The following TPD52L1 variants were observed in gnomAD, a reference collection of about 807,000 sequenced individuals.
TPD52L1 encodes the protein tumor protein D53.
A neutral mutation model predicts 28.7 loss-of-function variants in TPD52L1; 18 were observed. The observed-to-expected ratio is 0.63, with a 90% CI of 0.43 to 0.93. TPD52L1 has a LOEUF of 0.93. Ranked by LOEUF, TPD52L1 falls within the 40% of genes least tolerant of loss-of-function variation. The probability of loss-of-function intolerance (pLI) is 0.00; values close to 1 mark genes in which losing one functional copy is unlikely to be tolerated. For missense variants in TPD52L1, 203 were observed against 254.8 expected, an observed-to-expected ratio of 0.80 and a Z score of 1.39; for synonymous variants, 75 against 88.8, an observed-to-expected ratio of 0.84 and a Z score of 0.88.
chr6:125,204,157 G>C (rs1462049635), intron 1 of TPD52L1, among the ~76,000 whole-genome samples: 1 of 152,086 alleles, frequency 6.6e-6, no homozygotes, highest in East Asian at 1.9e-4. Context: ...CTTTTTCACT[G>C]TACTTACTTA....
chr6:125,154,643 T>G lies in TPD52L1; in HGVS notation c.19+673T>G, dbSNP rs988043617. On this transcript the variant is annotated intron_variant, in intron 1 of 6. Coordinates refer to ENST00000534000, the MANE Select transcript of TPD52L1 (RefSeq NM_003287.4). ...GGCTGCCTGCTGGAGGAGCCTGCGG[T>G]GGCTTCAGGAAGGGCGGCCTCATAT... is the stretch of plus-strand genomic sequence containing the variant. The G allele has an allele frequency of 3.0e-5, 17 of 572,124 alleles. No individual in the cohort carries two copies. In the African/African-American group the frequency reaches 3.1e-4, roughly 10 times the overall value. The allele number at this position is 572,124 out of a possible 1,614,324, so 35.4% of individuals were successfully genotyped here. A position where few individuals can be genotyped will look rare whatever the true frequency, so the allele number is the denominator to read the frequency against.
intron 5 of TPD52L1, among the ~76,000 whole-genome samples, chr6:125,256,352 A>T (rs1797599727): frequency 6.6e-6 from 1 of 151,994 alleles, no homozygotes. Context: ...TATCAAAAAA[A>T]AGAAAAAAAA....
intron 1 of TPD52L1, among the ~76,000 whole-genome samples, chr6:125,193,381 G>C (rs934818575): frequency 1.3e-5 from 2 of 152,038 alleles, no homozygotes; most frequent in Non-Finnish European, 2.9e-5. Flanking sequence ...AGGTGTGTCC[G>C]TTGCTGTCAC....
At chr6:125,200,519 A>G (rs1793736529) in intron 1 of TPD52L1, among the ~76,000 whole-genome samples, 1 of 152,194 alleles carries the variant, frequency 6.6e-6, no homozygotes, top group African/African-American at 2.4e-5. Flanking sequence ...GTAAACAGTC[A>G]AGTAATACAG....
At chr6:125,239,634 A>G (rs1275861824) in intron 3 of TPD52L1, among the ~76,000 whole-genome samples, 1 of 152,058 alleles carries the variant, frequency 6.6e-6, no homozygotes, top group African/African-American at 2.4e-5. Context: ...TTGGGTGGGG[A>G]CCCAGGCAAA....
At chr6:125,154,096 C>T in intron 1 of TPD52L1, 126 bp downstream of exon 1, 1 of 1,432,696 alleles carries the variant, frequency 7.0e-7, no homozygotes, top group Non-Finnish European at 9.3e-7. Flanking sequence ...CAGAACTCCA[C>T]TCCCACCCGC....
At chr6:125,229,928 A>T (rs1413756813) in intron 3 of TPD52L1, among the ~76,000 whole-genome samples, 2 of 152,084 alleles carry the variant, frequency 1.3e-5, no homozygotes, top group Admixed American at 6.6e-5. Flanking sequence ...CTACTAAAAA[A>T]TACAAAAAAT....
intron 1 of TPD52L1, among the ~76,000 whole-genome samples, chr6:125,213,685 G>A (rs1794666015): frequency 6.6e-6 from 1 of 152,162 alleles, no homozygotes. Context: ...AGAAGAGTGA[G>A]TTGGAGAATT....
chr6:125,201,134 A>G (rs1221376587), intron 1 of TPD52L1, among the ~76,000 whole-genome samples: 3 of 152,172 alleles, frequency 2.0e-5, no homozygotes, highest in Non-Finnish European at 4.4e-5. Context: ...ACCAAAGAGG[A>G]AGTCAATCTA....
chr6:125,170,708 T>C (rs1014479499), intron 1 of TPD52L1, among the ~76,000 whole-genome samples: 4 of 152,160 alleles, frequency 2.6e-5, no homozygotes, highest in Admixed American at 6.5e-5. Context: ...TCCATGAAAC[T>C]GGCAGGCCAA....
chr6:125,214,200 G>A (rs1313679934), intron 1 of TPD52L1, among the ~76,000 whole-genome samples: 1 of 152,184 alleles, frequency 6.6e-6, no homozygotes, highest in African/African-American at 2.4e-5. Context: ...CATTGGCCAA[G>A]GGCATGGGAA....
intron 1 of TPD52L1, among the ~76,000 whole-genome samples, chr6:125,179,717 T>G (rs533694727): frequency 2.6e-5 from 4 of 152,338 alleles, no homozygotes; most frequent in African/African-American, 9.6e-5. Context: ...TGAACTTTCA[T>G]TTATTTATTT....
chr6:125,219,777 C>CAAGAAGTCTCATG (rs1795107251), intron 1 of TPD52L1: 3 of 395,678 alleles, frequency 7.6e-6, no homozygotes, highest in Non-Finnish European at 1.4e-5. Context: ...CCTCATGAGA[C>CAAGAAGTCTCATG]AGTGAAGAGC....
At chr6:125,208,019 G>A (rs1413602808) in intron 1 of TPD52L1, among the ~76,000 whole-genome samples, 1 of 152,168 alleles carries the variant, frequency 6.6e-6, no homozygotes, top group East Asian at 1.9e-4. Context: ...TAACTGAGCA[G>A]CTGCTTCGAG....
chr6:125,239,143 T>C lies in TPD52L1; in HGVS notation c.285-9139T>C, dbSNP rs530782371. Among the ~76,000 whole-genome samples, 8 of 152,350 alleles carry C rather than the reference T, an allele frequency of 5.3e-5. No individual in the cohort carries two copies. The South Asian group carries it at 8.3e-4, about 16-fold the overall frequency. ...CACATCAACGCCAATGTCTATTTTT[T>C]TTAATTTTTAAATTATGGTCATTTT... On this transcript the variant is annotated intron_variant, in intron 3 of 6. Coordinates refer to ENST00000534000, the MANE Select transcript of TPD52L1 (RefSeq NM_003287.4).
At chr6:125,168,148 T>C (rs556457519) in intron 1 of TPD52L1, among the ~76,000 whole-genome samples, 2 of 152,166 alleles carry the variant, frequency 1.3e-5, no homozygotes, top group Admixed American at 1.3e-4. Flanking sequence ...AGTAGAAAAT[T>C]ATTCATCCCA....
intron 1 of TPD52L1, among the ~76,000 whole-genome samples, chr6:125,165,914 G>A (rs1266419940): frequency 1.3e-5 from 2 of 152,108 alleles, no homozygotes; most frequent in East Asian, 1.9e-4. Flanking sequence ...CTTGGTGTTC[G>A]TCCATACCCA....
chr6:125,215,726 T>G (rs1238199205), intron 1 of TPD52L1, among the ~76,000 whole-genome samples: 2 of 152,218 alleles, frequency 1.3e-5, no homozygotes, highest in Non-Finnish European at 2.9e-5. Flanking sequence ...GTACTGGGTC[T>G]GTCTTTCCCT....
chr6:125,153,842 G>A lies in TPD52L1; in HGVS notation c.-110G>A. Reference sequence around the variant, plus strand: ...GCAGCGCTCGCGACACGCGTGCCAGGAGTGGGAGCGAGCGGCGGGGCCAGC... The same window carrying A: ...GCAGCGCTCGCGACACGCGTGCCAGAAGTGGGAGCGAGCGGCGGGGCCAGC... On this transcript the variant is annotated 5_prime_UTR_variant, in exon 1 of 7. Coordinates refer to ENST00000534000, the MANE Select transcript of TPD52L1 (RefSeq NM_003287.4). 1 of 1,302,998 alleles carries A rather than the reference G, an allele frequency of 7.7e-7. No individual in the cohort carries two copies. The highest frequency in any genetic ancestry group is 1.4e-5 in the South Asian group (1 of 69,838). The allele number at this position is 1,302,998 out of a possible 1,614,324, so 80.7% of individuals were successfully genotyped here. A position where few individuals can be genotyped will look rare whatever the true frequency, so the allele number is the denominator to read the frequency against.
Sources: gnomAD v4.1 joint callset for allele counts (sites outside exome capture counted in the v4.1 genomes callset) on GRCh38, gnomAD v4.1.1 for gene constraint, MANE v1.5 for transcripts, NCBI Gene and HGNC (gene_info 2026-07-23, HGNC 2026-07-21) for gene names.